XPO1: variants seen among roughly 807,000 people sequenced by gnomAD.
XPO1 encodes the protein exportin 1.
XPO1 carries 5 observed loss-of-function variants against 133.3 expected under a neutral mutation model. The ratio of observed to expected loss-of-function variants is 0.04; its 90% CI spans 0.02 to 0.08. The LOEUF (loss-of-function observed/expected upper bound fraction) is 0.08, where lower values mean the gene tolerates loss of function less well. Among genes scored for constraint, XPO1 ranks in the 10% least tolerant of loss-of-function variants. XPO1 has a pLI of 1.00. For synonymous variants in XPO1, 419 were observed against 408.2 expected, an observed-to-expected ratio of 1.03 and a Z score of -0.32; for missense variants, 506 against 1,267.5, an observed-to-expected ratio of 0.40 and a Z score of 9.12.
At chr2:61,490,190 A>G (rs960923566) in intron 17 of XPO1, among the ~76,000 whole-genome samples, 1 of 138,584 alleles carries the variant, frequency 7.2e-6, no homozygotes, top group South Asian at 2.4e-4. Context: ...AGCCCGGCCC[A>G]GATTTTTCAT....
At chr2:61,527,015 A>T (rs753383793) in intron 2 of XPO1, among the ~76,000 whole-genome samples, 2 of 152,108 alleles carry the variant, frequency 1.3e-5, no homozygotes, top group African/African-American at 2.4e-5. Context: ...GCCAACTCCT[A>T]ATCTTTAAAG....
intron 17 of XPO1, among the ~76,000 whole-genome samples, chr2:61,490,141 G>A (rs1269903319): frequency 4.0e-5 from 6 of 151,412 alleles, no homozygotes; most frequent in East Asian, 1.9e-4. Context: ...CACCCGTCTC[G>A]GTCTCCCAAA....
At chr2:61,507,816 AGAG>A (rs1697902449) in intron 4 of XPO1, among the ~76,000 whole-genome samples, 2 of 152,048 alleles carry the variant, frequency 1.3e-5, no homozygotes, top group African/African-American at 2.4e-5. Context: ...AGGTGGAGAA[AGAG>A]AAGAGAAAGA....
intron 19 of XPO1, among the ~76,000 whole-genome samples, chr2:61,487,736 A>C (rs535976653): frequency 6.6e-6 from 1 of 152,330 alleles, no homozygotes; most frequent in South Asian, 2.1e-4. Context: ...CAAATCATTT[A>C]GGAAAAAGGG....
intron 1 of XPO1, chr2:61,536,114 G>T (rs879343830): frequency 1.3e-5 from 2 of 152,214 alleles, no homozygotes; most frequent in Non-Finnish European, 2.9e-5. Context: ...GAACTAGACT[G>T]ATGTGAAAAA....
At chr2:61,497,071 C>G in intron 9 of XPO1, 64 bp from the exon 10 acceptor site, 2 of 1,542,250 alleles carry the variant, frequency 1.3e-6, no homozygotes, top group African/African-American at 2.8e-5. Flanking sequence ...ACTTAAAATT[C>G]ACAATTAAAA....
At chr2:61,526,078 T>C (rs763230574) in intron 3 of XPO1, 14 of 1,126,816 alleles carry the variant, frequency 1.2e-5, no homozygotes, top group East Asian at 4.8e-5. Context: ...CTGTATTATA[T>C]TGATTACTTG....
intron 4 of XPO1, among the ~76,000 whole-genome samples, chr2:61,518,092 T>C (rs942669695): frequency 2.7e-5 from 4 of 150,686 alleles, no homozygotes; most frequent in Non-Finnish European, 5.9e-5. Context: ...ACTGCGCCAC[T>C]GCACTCCAGC....
rs72817413 is a variant in XPO1, at chr2:61,533,758, G to C, written c.126+14C>G. ...ACTGTCATAATGTTATAAAGTTTTG[G>C]TTGGCTACTTTACCTGGGCTCCTTC... On this transcript the variant is annotated intron_variant, in intron 2 of 24. Coordinates refer to ENST00000401558, the MANE Select transcript of XPO1 (RefSeq NM_003400.4). The C allele has an allele frequency of 8.1e-3, 12,710 of 1,572,412 alleles. 80 individuals are homozygous for C. Among genetic ancestry groups the C allele is most frequent in the Non-Finnish European group, 9.5e-3 (11,080 of 1,162,244 alleles).
Position 61,502,354 on chromosome 2 carries a change from T to C in XPO1, c.302-44A>G, listed in dbSNP as rs201699468. The C allele has an allele frequency of 5.7e-5, 89 of 1,556,828 alleles. 1 individual carries two copies. The East Asian group carries it at 2.0e-3, about 34-fold the overall frequency. ...GTAATAAAAAAATTGTTGAGCTCTT[T>C]TGTAGCATGCAAATAAATTTTGAGA... is the stretch of plus-strand genomic sequence containing the variant. On this transcript the variant is annotated intron_variant, in intron 4 of 24. Coordinates refer to ENST00000401558, the MANE Select transcript of XPO1 (RefSeq NM_003400.4).
At chr2:61,523,217 T>C (rs1378090519) in intron 3 of XPO1, among the ~76,000 whole-genome samples, 7 of 152,326 alleles carry the variant, frequency 4.6e-5, no homozygotes, top group Non-Finnish European at 7.3e-5. Context: ...AGACAACCCA[T>C]GGGTTTATTT....
At chr2:61,511,686 A>G (rs944738928) in intron 4 of XPO1, among the ~76,000 whole-genome samples, 4 of 152,186 alleles carry the variant, frequency 2.6e-5, no homozygotes, top group African/African-American at 9.7e-5. Flanking sequence ...GGCCTCAATC[A>G]CTGTGCCTGG....
intron 4 of XPO1, among the ~76,000 whole-genome samples, chr2:61,515,204 G>T (rs890959761): frequency 6.6e-6 from 1 of 152,102 alleles, no homozygotes; most frequent in Non-Finnish European, 1.5e-5. Flanking sequence ...TACAGAGGTA[G>T]TTTCACAGGA....
At chr2:61,501,845 C>A in intron 6 of XPO1, 151 bp downstream of exon 6, 1 of 554,502 alleles carries the variant, frequency 1.8e-6, no homozygotes, top group East Asian at 3.1e-5. Context: ...AATTAACATT[C>A]AAGTACTAGA....
intron 4 of XPO1, among the ~76,000 whole-genome samples, chr2:61,518,086 C>T (rs1435957097): frequency 2.7e-5 from 4 of 150,888 alleles, no homozygotes; most frequent in African/African-American, 7.3e-5. Context: ...GCCAAGACTG[C>T]GCCACTGCAC....
intron 4 of XPO1, among the ~76,000 whole-genome samples, chr2:61,519,341 A>G (rs1480485625): frequency 6.6e-6 from 1 of 152,146 alleles, no homozygotes; most frequent in African/African-American, 2.4e-5. Flanking sequence ...AACCCACTCA[A>G]GAATCATGAG....
chr2:61,482,525 C>T lies in XPO1; in HGVS notation c.2827G>A (p.Ala943Thr). 1 of 1,607,244 alleles carries T rather than the reference C, an allele frequency of 6.2e-7. No individual in the cohort carries two copies. Among genetic ancestry groups the T allele is most frequent in the African/African-American group, 1.3e-5 (1 of 74,660 alleles). ...TTAAACATATATGCAAGAATTGATG[C>T]ATGCATTGTTAAACCTGTTGATAAG... ...TSHTAGLTMH[A>T]SILAYMFNLV... is the part of the protein sequence containing the mutation. Residue 943 changes from alanine (A) to threonine (T), a missense_variant, in exon 23 of 25, where the codon GCA (alanine) becomes ACA (threonine). By Grantham distance (58) the Ala-to-Thr change is moderately conservative. Around this residue, in one of 6 missense-constraint regions of XPO1, gnomAD observed 203 missense variants for 365.9 expected, o/e 0.55. Coordinates refer to ENST00000401558, the MANE Select transcript of XPO1 (RefSeq NM_003400.4).
At chr2:61,482,686 A>G in intron 22 of XPO1, 147 bp from the exon 23 acceptor site, 1 of 833,590 alleles carries the variant, frequency 1.2e-6, no homozygotes. Context: ...GTTCACTGCA[A>G]CCTCTGCCTC....
intron 2 of XPO1, among the ~76,000 whole-genome samples, chr2:61,530,387 T>TA (rs912252260): frequency 2.5e-4 from 37 of 148,698 alleles, no homozygotes; most frequent in African/African-American, 6.1e-4. Flanking sequence ...AGCAGGGGTT[T>TA]AAAAAAAAAA....
Sources: allele counts gnomAD v4.1 joint callset (sites outside exome capture counted in the v4.1 genomes callset), GRCh38; gene constraint gnomAD v4.1.1; regional missense constraint gnomAD v4.1.1; transcripts MANE v1.5; gene names NCBI Gene and HGNC (gene_info 2026-07-23, HGNC 2026-07-21).